CLSTN1: variants seen among roughly 807,000 people sequenced by gnomAD.
CLSTN1 encodes the protein calsyntenin 1, also known as calsyntenin-1.
In CLSTN1, 28 loss-of-function variants were observed where a neutral mutation model predicts 108.3. The ratio of observed to expected loss-of-function variants is 0.26; its 90% CI spans 0.19 to 0.35. The LOEUF is 0.35. Among genes scored for constraint, CLSTN1 ranks in the 10% least tolerant of loss-of-function variants. The pLI, the probability that CLSTN1 is intolerant of heterozygous loss-of-function variation, is 1.00. For synonymous variants in CLSTN1, 524 were observed against 534.9 expected (o/e 0.98, Z 0.28); for missense variants, 1,157 against 1,302.6 (o/e 0.89, Z 1.72).
chr1:9,813,768 A>G (rs1225368749), intron 1 of CLSTN1, among the ~76,000 whole-genome samples: 1 of 152,206 alleles, frequency 6.6e-6, no homozygotes, highest in African/African-American at 2.4e-5. Context: ...AATTTATGAC[A>G]TTCAACTATT....
rs368045123 is a variant in CLSTN1, at chr1:9,821,046, C to G, written c.91+2597G>C. On this transcript the variant is annotated intron_variant, in intron 1 of 18. Transcript: ENST00000377298. ...TTTCTATTTTCTCTGCTTCACTGTT[C>G]TATTTCCCGATCTCCATGAAGAAGG... Among the ~76,000 whole-genome samples, 9 of 152,310 alleles carry G rather than the reference C, an allele frequency of 5.9e-5. No individual in the cohort carries two copies. In the East Asian group the frequency reaches 9.6e-4, roughly 16 times the overall value.
chr1:9,765,591 A>G (rs1302409768), intron 2 of CLSTN1, among the ~76,000 whole-genome samples: 2 of 152,042 alleles, frequency 1.3e-5, no homozygotes. Flanking sequence ...AAGAAAAAAA[A>G]AAATGGAGGC....
chr1:9,810,151 A>G, intron 1 of CLSTN1, among the ~76,000 whole-genome samples: 1 of 3,364 alleles, frequency 3.0e-4, no homozygotes, highest in South Asian at 0.013. Flanking sequence ...AAAGGAGGGG[A>G]AGGAGGGGAG....
intron 1 of CLSTN1, among the ~76,000 whole-genome samples, chr1:9,794,413 G>T (rs376073720): frequency 6.6e-6 from 1 of 151,492 alleles, no homozygotes; most frequent in African/African-American, 2.4e-5. Flanking sequence ...GGCTCAAGCA[G>T]TTCTCCTGCC....
intron 7 of CLSTN1, 54 bp downstream of exon 7, chr1:9,749,403 AAGGT>A: frequency 6.9e-7 from 1 of 1,443,012 alleles, no homozygotes. Flanking sequence ...TCCAGTTGTA[AAGGT>A]CCCTCCCACC....
intron 18 of CLSTN1, 200 bp downstream of exon 18, chr1:9,731,006 C>T (rs937950326): frequency 4.5e-6 from 3 of 664,216 alleles, no homozygotes; most frequent in African/African-American, 1.8e-5. Context: ...CATGGCTCTT[C>T]TCTACACTTA....
At chr1:9,735,307 C>A (rs1650625538) in intron 13 of CLSTN1, 133 bp from the exon 14 acceptor site, 2 of 1,365,408 alleles carry the variant, frequency 1.5e-6, no homozygotes, top group Non-Finnish European at 2.1e-6. Context: ...AACACACTTG[C>A]AAACAAGATG....
chr1:9,760,592 T>C (rs1413828215), intron 2 of CLSTN1, among the ~76,000 whole-genome samples: 3 of 151,420 alleles, frequency 2.0e-5, no homozygotes, highest in Admixed American at 6.6e-5. Flanking sequence ...TTTAGGGGAA[T>C]AGATGGGACC....
At chr1:9,735,426 C>T in intron 13 of CLSTN1, 41 bp downstream of exon 13, 1 of 1,613,716 alleles carries the variant, frequency 6.2e-7, no homozygotes, top group Non-Finnish European at 8.5e-7. Flanking sequence ...ATACAAGTGT[C>T]ATTGGGCAAA....
chr1:9,741,299 T>G, intron 9 of CLSTN1, 43 bp from the exon 10 acceptor site: 1 of 1,563,298 alleles, frequency 6.4e-7, no homozygotes, highest in Non-Finnish European at 8.8e-7. Flanking sequence ...GATGTCCACT[T>G]TCCTTCTCAT....
chr1:9,764,737 G>A (rs1174655580), intron 2 of CLSTN1, among the ~76,000 whole-genome samples: 1 of 150,586 alleles, frequency 6.6e-6, no homozygotes. Context: ...CACCATCGTT[G>A]CCTCTGTCAC....
At chr1:9,737,621 G>A in intron 10 of CLSTN1, 67 bp from the exon 11 acceptor site, 15 of 1,438,062 alleles carry the variant, frequency 1.0e-5, no homozygotes, top group Non-Finnish European at 1.4e-5. Context: ...ACCGGACCTT[G>A]AAAACCAGGT....
intron 2 of CLSTN1, among the ~76,000 whole-genome samples, chr1:9,758,324 C>CT (rs1557701457): frequency 6.7e-6 from 1 of 150,248 alleles, no homozygotes. Flanking sequence ...GCTTCTTTTT[C>CT]TTTTTTTGAG....
At chr1:9,817,057 G>A (rs1222335176) in intron 1 of CLSTN1, among the ~76,000 whole-genome samples, 13 of 152,182 alleles carry the variant, frequency 8.5e-5, no homozygotes, top group African/African-American at 2.4e-5. Flanking sequence ...CAGACAGAAC[G>A]AAACAGATGG....
chr1:9,735,202 G>A (rs1650620210), intron 13 of CLSTN1, 28 bp from the exon 14 acceptor site: 1 of 1,610,560 alleles, frequency 6.2e-7, no homozygotes, highest in African/African-American at 1.3e-5. Flanking sequence ...GGAAGGGTCA[G>A]GGCTTTGGGA....
chr1:9,767,351 T>A (rs1343591912), intron 2 of CLSTN1, among the ~76,000 whole-genome samples: 1 of 152,082 alleles, frequency 6.6e-6, no homozygotes, highest in Non-Finnish European at 1.5e-5. Flanking sequence ...GTAACCAGCC[T>A]GGGGAACACG....
At chr1:9,776,878 C>CAGCATT (rs1485352581) in intron 1 of CLSTN1, among the ~76,000 whole-genome samples, 7 of 142,664 alleles carry the variant, frequency 4.9e-5, no homozygotes, top group African/African-American at 2.1e-4. Context: ...ATCTATCTAT[C>CAGCATT]TATCTATCTA....
chr1:9,769,865 C>A (rs1347249382), intron 2 of CLSTN1, among the ~76,000 whole-genome samples: 1 of 151,576 alleles, frequency 6.6e-6, no homozygotes. Context: ...CCCATCTCTA[C>A]TAAAAATACA....
intron 10 of CLSTN1, among the ~76,000 whole-genome samples, chr1:9,738,947 C>T (rs929273952): frequency 6.6e-5 from 10 of 152,104 alleles, no homozygotes; most frequent in Non-Finnish European, 1.2e-4. Flanking sequence ...CCACTGCGCA[C>T]GGTCATCTTT....
Sources: gnomAD v4.1 joint callset for allele counts (sites outside exome capture counted in the v4.1 genomes callset) on GRCh38, gnomAD v4.1.1 for gene constraint, MANE v1.5 for transcripts, NCBI Gene and HGNC (gene_info 2026-07-23, HGNC 2026-07-21) for gene names.